UBR4: variants seen among roughly 807,000 people sequenced by gnomAD.
UBR4 encodes the protein ubiquitin protein ligase E3 component n-recognin 4, also known as E3 ubiquitin-protein ligase UBR4.
UBR4 carries 124 observed loss-of-function variants against 575.6 expected under a neutral mutation model. The observed-to-expected ratio is 0.22, with a 90% confidence interval of 0.19 to 0.25. UBR4 has a LOEUF of 0.25. Ranked by LOEUF, UBR4 falls within the 10% of genes least tolerant of loss-of-function variation. The probability of loss-of-function intolerance (pLI) is 1.00; values close to 1 mark genes in which losing one functional copy is unlikely to be tolerated. For missense variants in UBR4, 4,818 were observed against 6,478.8 expected, an observed-to-expected ratio of 0.74 and a Z score of 8.80; for synonymous variants, 2,455 against 2,473.7, an observed-to-expected ratio of 0.99 and a Z score of 0.22.
intron 25 of UBR4, among the ~76,000 whole-genome samples, chr1:19,172,626 G>C (rs10917061): frequency 1.3e-5 from 2 of 152,040 alleles, no homozygotes; most frequent in Non-Finnish European, 2.9e-5. Flanking sequence ...TGTATCCTAC[G>C]AGTAAAATCG....
chr1:19,185,421 T>C, intron 14 of UBR4, 135 bp from the exon 15 acceptor site: 1 of 855,240 alleles, frequency 1.2e-6, no homozygotes, highest in Middle Eastern at 3.8e-4. Flanking sequence ...AAGATTGCAT[T>C]TGTGTATCAA....
rs1273911258 is a variant in UBR4 at position 19,140,611 on chromosome 1, GCGGCGGGGCCGAGCCA to G, written c.8593+161_8593+176del. ...AAAGTGTGAGGAAGCGGAGCTGTGC[GCGGCGGGGCCGAGCCA>G]CAGCACTACACCCTCCACACCCATC... On this transcript the variant is annotated intron_variant, in intron 58 of 105. Transcript: ENST00000375254. 1.3e-5 allele frequency among the ~76,000 whole-genome samples: 2 copies of G among 152,228 alleles called. 1 individual carries two copies. The highest frequency in any genetic ancestry group is 4.8e-5 in the African/African-American group (2 of 41,456).
At chr1:19,116,338 T>G (rs1281377652) in intron 73 of UBR4, among the ~76,000 whole-genome samples, 1 of 152,186 alleles carries the variant, frequency 6.6e-6, no homozygotes, top group Non-Finnish European at 1.5e-5. Flanking sequence ...CTCTGCTGAC[T>G]CCACACAATG....
Position 19,141,716 on chromosome 1 carries a change from C to T in UBR4, c.8241G>A (p.Pro2747=), listed in dbSNP as rs764490078. 26 of 1,614,116 alleles carry T rather than the reference C, an allele frequency of 1.6e-5. No homozygotes were observed. The highest frequency in any genetic ancestry group is 5.5e-5 in the South Asian group (5 of 91,094). Reference sequence around the variant, plus strand: ...TTTCCTGACGGATGTGACCACCATTCGGGATCCCTGATGACTGCATTTTCT... The same window carrying T: ...TTTCCTGACGGATGTGACCACCATTTGGGATCCCTGATGACTGCATTTTCT... ...ADEKMQSSGI[P]NGGHIRQESQ... Residue 2747 remains proline, a synonymous_variant, in exon 56 of 106, where the codon CCG becomes CCA. Coordinates refer to ENST00000375254, the MANE Select transcript of UBR4 (RefSeq NM_020765.3).
chr1:19,180,552 A>C (rs2090830533), intron 17 of UBR4, among the ~76,000 whole-genome samples: 1 of 151,942 alleles, frequency 6.6e-6, no homozygotes, highest in African/African-American at 2.4e-5. Context: ...AAAAAAAAAA[A>C]AAAACCTACC....
intron 77 of UBR4, chr1:19,113,496 G>T: frequency 1.4e-6 from 1 of 725,672 alleles, no homozygotes; most frequent in Non-Finnish European, 2.2e-6. Flanking sequence ...TATCTAGCAT[G>T]AACTCAGCAT....
rs933061764 is a variant in UBR4, at chr1:19,124,438, C to A, written c.9588+103G>T. 8 of 1,481,314 alleles carry A rather than the reference C, an allele frequency of 5.4e-6. No individual in the cohort carries two copies. The African/African-American group carries it at 1.1e-4, about 21-fold the overall frequency. The allele number at this position is 1,481,314 out of a possible 1,614,324, so 91.8% of individuals were successfully genotyped here. On this transcript the variant is annotated intron_variant, in intron 65 of 105. Coordinates refer to ENST00000375254, the MANE Select transcript of UBR4 (RefSeq NM_020765.3). ...ACCTACAAAGGTGAAAGGGACTCTG[C>A]AAGGGGAAATACCAAGTAAGGATGA...
chr1:19,101,601 A>G lies in UBR4; in HGVS notation c.12942T>C (p.Ile4314=). 6.2e-7 allele frequency: 1 copy of G among 1,613,814 alleles called. No homozygotes were observed. The highest frequency in any genetic ancestry group is 1.1e-5 in the South Asian group (1 of 91,072). The change falls in exon 88 of 106, where the codon ATT becomes ATC. Residue 4314 remains isoleucine, a synonymous_variant. Transcript: ENST00000375254. Reference sequence around the variant, plus strand: ...CCAGATTGTAGCGCTTGGCTGTCTCAATGCACACAGCCATGAAGGCCTTGG... The same window carrying G: ...CCAGATTGTAGCGCTTGGCTGTCTCGATGCACACAGCCATGAAGGCCTTGG... The part of the protein sequence containing the change: ...SETKAFMAVC[I]ETAKRYNLDD...
rs1305268853 is a variant in UBR4, at chr1:19,122,842, G to A, written c.9807C>T (p.Leu3269=). 6.2e-7 allele frequency: 1 copy of A among 1,614,216 alleles called. No individual in the cohort carries two copies. Among genetic ancestry groups the A allele is most frequent in the Non-Finnish European group, 8.5e-7 (1 of 1,180,030 alleles). ...GTCCCAGCCCTCGTACCAGGCTGAT[G>A]AGTGTGTCATATTGCAAGGCGGAGC... ...SSGSALQYDT[L]ISLMEHLKAC... Residue 3269 remains leucine (L), a synonymous_variant, in exon 66 of 106, where the codon CTC becomes CTT. Coordinates refer to ENST00000375254, the MANE Select transcript of UBR4 (RefSeq NM_020765.3).
chr1:19,125,108 T>C (rs1472444133), intron 64 of UBR4, among the ~76,000 whole-genome samples: 2 of 152,178 alleles, frequency 1.3e-5, no homozygotes, highest in Admixed American at 6.5e-5. Flanking sequence ...AAGAAATTGT[T>C]AAATAAACCA....
intron 101 of UBR4, 76 bp from the exon 102 acceptor site, chr1:19,084,774 T>C: frequency 7.1e-7 from 1 of 1,403,344 alleles, no homozygotes; most frequent in Non-Finnish European, 9.8e-7. Flanking sequence ...CAGAGCCTCC[T>C]TCCAGTACTC....
rs748627343 is a variant in UBR4 at position 19,144,072 on chromosome 1, G to C, written c.8087C>G (p.Ser2696Cys). 6.2e-7 allele frequency: 1 copy of C among 1,614,016 alleles called. No homozygotes were observed. Among genetic ancestry groups the C allele is most frequent in the South Asian group, 1.1e-5 (1 of 91,074 alleles). ...LLCPDPAVSF[S>C]CKQALIRVLR... Reference sequence around the variant, plus strand: ...GACTCGAATTAGAGCTTGTTTACAAGAGAAGCTCACAGCAGGATCCTGAGG... The same window carrying C: ...GACTCGAATTAGAGCTTGTTTACAACAGAAGCTCACAGCAGGATCCTGAGG... Residue 2696 changes from serine (S) to cysteine (C), a missense_variant, in exon 55 of 106, where the codon TCT becomes TGT. Transcript: ENST00000375254.
At chr1:19,161,371 T>A (rs1213906925) in intron 37 of UBR4, among the ~76,000 whole-genome samples, 1 of 152,006 alleles carries the variant, frequency 6.6e-6, no homozygotes, top group African/African-American at 2.4e-5. Flanking sequence ...TGTGGGGAGG[T>A]CTTAGGAAAA....
rs146584860 is a variant in UBR4 at position 19,109,543 on chromosome 1, A to T, written c.12105+553T>A. On this transcript the variant is annotated intron_variant, in intron 81 of 105. Transcript: ENST00000375254. ...GGCAAAGAAAGCAGGAGATAGCCACAGCTAACATTTGTTAAGGATTAACTT... is the reference window on the plus strand; with the variant it reads ...GGCAAAGAAAGCAGGAGATAGCCACTGCTAACATTTGTTAAGGATTAACTT... Among the ~76,000 whole-genome samples, 45 of 152,384 alleles carry T rather than the reference A, an allele frequency of 3.0e-4. No homozygotes were observed. In the East Asian group the frequency reaches 8.7e-3, roughly 29 times the overall value.
In UBR4 at chr1:19,117,936, G is replaced by A. The variant is rs962069846; in HGVS notation, c.10542-26C>T. The A allele has an allele frequency of 6.3e-7, 1 of 1,599,236 alleles. No homozygotes were observed. The highest frequency in any genetic ancestry group is 1.7e-4 in the Middle Eastern group (1 of 6,038). ...CTAAGGAAGAAACCAGTCTTAGCAT[G>A]AACACATTTTCATCTTAGGAAGCAC... is the stretch of plus-strand genomic sequence containing the variant. On this transcript the variant is annotated intron_variant, in intron 71 of 105. Coordinates refer to ENST00000375254, the MANE Select transcript of UBR4 (RefSeq NM_020765.3). The surrounding 1 kb of genome is among the most constrained non-coding windows in gnomAD (Gnocchi z 4.0).
At chr1:19,119,742 A>G in intron 69 of UBR4, 41 bp from the exon 70 acceptor site, 1 of 1,581,224 alleles carries the variant, frequency 6.3e-7, no homozygotes, top group Non-Finnish European at 8.6e-7. Flanking sequence ...GCAGCAGAAA[A>G]CCCTGAGGCA....
At position 19,101,589 on chromosome 1, in the gene UBR4, C is replaced by T. The variant is rs1292155614; in HGVS notation, c.12954G>A (p.Lys4318=). ...TCCGGTAGTCATCCAGATTGTAGCG[C>T]TTGGCTGTCTCAATGCACACAGCCA... The part of the protein sequence containing the change: ...AFMAVCIETA[K]RYNLDDYRTP... Residue 4318 remains lysine (K), a synonymous_variant, in exon 88 of 106, where the codon AAG becomes AAA. Coordinates refer to ENST00000375254, the MANE Select transcript of UBR4 (RefSeq NM_020765.3). 3 of 1,613,962 alleles carry T rather than the reference C, an allele frequency of 1.9e-6. No homozygotes were observed. The highest frequency in any genetic ancestry group is 2.2e-5 in the South Asian group (2 of 91,086).
Position 19,193,427 on chromosome 1 carries a change from G to A in UBR4, c.1143+6C>T. Reference sequence around the variant, plus strand: ...AGGTTCCCTTATCCCCAGATCTTTGGCTTACACATTTCTGGACAATTGTAG... The same window carrying A: ...AGGTTCCCTTATCCCCAGATCTTTGACTTACACATTTCTGGACAATTGTAG... On this transcript the variant is annotated splice_donor_region_variant and intron_variant, in intron 9 of 105. Coordinates refer to ENST00000375254, the MANE Select transcript of UBR4 (RefSeq NM_020765.3). 4 of 1,613,596 alleles carry A rather than the reference G, an allele frequency of 2.5e-6. No homozygotes were observed. Among genetic ancestry groups the A allele is most frequent in the Non-Finnish European group, 3.4e-6 (4 of 1,179,710 alleles).
chr1:19,116,959 A>G (rs991726327), intron 73 of UBR4, among the ~76,000 whole-genome samples: 1 of 152,214 alleles, frequency 6.6e-6, no homozygotes, highest in Admixed American at 6.5e-5. Context: ...AGGTCCCCTC[A>G]CTCAGCTTCC....
Sources: gnomAD v4.1 joint callset for allele counts (sites outside exome capture counted in the v4.1 genomes callset) on GRCh38, gnomAD v4.1.1 for gene constraint, Gnocchi (gnomAD v3.1) non-coding constraint, MANE v1.5 for transcripts, NCBI Gene and HGNC (gene_info 2026-07-23, HGNC 2026-07-21) for gene names.